NAV3: variants seen among roughly 807,000 people sequenced by gnomAD.
NAV3 encodes the protein neuron navigator 3.
A neutral mutation model predicts 244.7 loss-of-function variants in NAV3; 87 were observed. The ratio of observed to expected loss-of-function variants is 0.36; its 90% CI spans 0.30 to 0.42. The LOEUF (loss-of-function observed/expected upper bound fraction) is 0.42, where lower values mean the gene tolerates loss of function less well. Ranked by LOEUF, NAV3 falls within the 20% of genes least tolerant of loss-of-function variation. NAV3 has a pLI of 1.00. For synonymous variants in NAV3, 1,126 were observed against 1,042.2 expected, an observed-to-expected ratio of 1.08 and a Z score of -1.55; for missense variants, 2,663 against 2,893.3, an observed-to-expected ratio of 0.92 and a Z score of 1.83.
At chr12:77,907,063 C>T (rs1052268980) in intron 1 of NAV3, among the ~76,000 whole-genome samples, 1 of 152,098 alleles carries the variant, frequency 6.6e-6, no homozygotes, top group Non-Finnish European at 1.5e-5. Flanking sequence ...GTCACTCATC[C>T]GTCAAAAACT....
At chr12:77,974,828 T>G (rs1555247485) in intron 5 of NAV3, among the ~76,000 whole-genome samples, 1 of 152,324 alleles carries the variant, frequency 6.6e-6, no homozygotes, top group East Asian at 1.9e-4. Context: ...AAATGGTTTA[T>G]GTATAAAATG....
intron 3 of NAV3, among the ~76,000 whole-genome samples, chr12:77,959,388 G>A (rs982345475): frequency 3.9e-5 from 6 of 152,000 alleles, no homozygotes; most frequent in Non-Finnish European, 8.8e-5. Context: ...AGGAAACTCT[G>A]TGTAATACCA....
At chr12:78,146,065 GT>G (rs1363796750) in intron 20 of NAV3, among the ~76,000 whole-genome samples, 4 of 151,748 alleles carry the variant, frequency 2.6e-5, no homozygotes, top group Admixed American at 6.6e-5. Flanking sequence ...TAACTATTTG[GT>G]TTATGTTGCT....
chr12:77,873,906 C>T (rs994150210), intron 1 of NAV3, among the ~76,000 whole-genome samples: 40 of 151,028 alleles, frequency 2.6e-4, no homozygotes, highest in African/African-American at 7.0e-4. Context: ...GGACTGGTAC[C>T]GGTCTGTGGC....
chr12:78,128,290 T>C (rs1375359157), intron 17 of NAV3, among the ~76,000 whole-genome samples: 1 of 147,966 alleles, frequency 6.8e-6, no homozygotes, highest in Non-Finnish European at 1.5e-5. Flanking sequence ...AAACAAAAGC[T>C]GCCAATATGT....
chr12:78,075,551 G>A (rs1264443360), intron 12 of NAV3, among the ~76,000 whole-genome samples: 1 of 152,086 alleles, frequency 6.6e-6, no homozygotes, highest in African/African-American at 2.4e-5. Context: ...ATAGGATTTG[G>A]GGGTTATGGA....
chr12:77,751,720 C>T (rs1782458630), intron 2 of NAV3, among the ~76,000 whole-genome samples: 1 of 152,168 alleles, frequency 6.6e-6, no homozygotes, highest in Non-Finnish European at 1.5e-5. Flanking sequence ...CTAATACATA[C>T]ATTGTTCCTT....
intron 2 of NAV3, among the ~76,000 whole-genome samples, chr12:77,645,440 A>C (rs1280721731): frequency 6.7e-6 from 1 of 150,096 alleles, no homozygotes; most frequent in South Asian, 2.1e-4. Context: ...TACATCTCTA[A>C]GGGACTGAAA....
chr12:77,667,856 G>T (rs1465753370), intron 2 of NAV3, among the ~76,000 whole-genome samples: 1 of 152,070 alleles, frequency 6.6e-6, no homozygotes, highest in Non-Finnish European at 1.5e-5. Flanking sequence ...CAAAACTGGT[G>T]CACTAAACAG....
chr12:78,148,412 A>G (rs56224737), intron 21 of NAV3, among the ~76,000 whole-genome samples: 10,471 of 152,162 alleles, frequency 0.069, 359 homozygotes, highest in Admixed American at 0.075. Context: ...GGAAAAAAAA[A>G]CCTAAGATTT....
intron 1 of NAV3, among the ~76,000 whole-genome samples, chr12:77,927,770 AT>A (rs2137264332): frequency 6.6e-6 from 1 of 152,254 alleles, no homozygotes; most frequent in Admixed American, 6.5e-5. Context: ...ATATCATATC[AT>A]TTTTTGTAGA....
At chr12:77,766,769 T>TTTTTTTTTTTTTTTTTTTTA (rs1869791696) in intron 2 of NAV3, among the ~76,000 whole-genome samples, 1 of 91,364 alleles carries the variant, frequency 1.1e-5, no homozygotes. Flanking sequence ...TTTTTTTTTT[T>TTTTTTTTTTTTTTTTTTTTA]TTGAGACGGA....
chr12:77,755,509 G>GTGCCTTGCCT (rs796797077), intron 2 of NAV3, among the ~76,000 whole-genome samples: 958 of 65,078 alleles, frequency 0.015, 61 homozygotes, highest in African/African-American at 0.035. Context: ...CTCCCTCCCT[G>GTGCCTTGCCT]TGCCTTTCCT....
chr12:78,107,833 A>C (rs1954882512), intron 12 of NAV3, among the ~76,000 whole-genome samples: 1 of 152,124 alleles, frequency 6.6e-6, no homozygotes, highest in South Asian at 2.1e-4. Context: ...TAAGCAACTA[A>C]AGGGAGGTAT....
intron 2 of NAV3, among the ~76,000 whole-genome samples, chr12:77,700,000 G>A (rs558460900): frequency 1.3e-5 from 2 of 152,216 alleles, no homozygotes; most frequent in East Asian, 3.9e-4. Flanking sequence ...TTTGGCACAG[G>A]CCTATAGTCT....
chr12:78,047,232 A>T (rs1323868637), intron 9 of NAV3, among the ~76,000 whole-genome samples: 1 of 152,136 alleles, frequency 6.6e-6, no homozygotes, highest in Non-Finnish European at 1.5e-5. Flanking sequence ...TCACGCTTGT[A>T]ATCCCAGCAC....
At chr12:77,950,816 G>A (rs1363991684) in intron 3 of NAV3, 1 of 152,200 alleles carries the variant, frequency 6.6e-6, no homozygotes, top group African/African-American at 2.4e-5. Context: ...AAGAAATGGG[G>A]AAAGGATTGC....
At chr12:78,107,513 A>C (rs1954862786) in intron 12 of NAV3, among the ~76,000 whole-genome samples, 1 of 152,150 alleles carries the variant, frequency 6.6e-6, no homozygotes, top group African/African-American at 2.4e-5. Context: ...AGTGTATGAT[A>C]ACCTATGAAG....
intron 5 of NAV3, among the ~76,000 whole-genome samples, chr12:77,971,212 G>A (rs955046232): frequency 2.0e-5 from 3 of 152,160 alleles, no homozygotes; most frequent in South Asian, 4.1e-4. Flanking sequence ...TTTATGAAAA[G>A]TATTCTTTTC....
Sources: gnomAD v4.1 joint callset for allele counts (sites outside exome capture counted in the v4.1 genomes callset) on GRCh38, gnomAD v4.1.1 for gene constraint, MANE v1.5 for transcripts, NCBI Gene and HGNC (gene_info 2026-07-23, HGNC 2026-07-21) for gene names.